Variants in ME1 observed in about 807,000 individuals in gnomAD.
ME1 encodes the protein NADP-dependent malic enzyme.
ME1 carries 74 observed loss-of-function variants against 66.4 expected under a neutral mutation model. That is an observed-to-expected ratio of 1.11 (90% CI 0.92 to 1.35). The LOEUF (loss-of-function observed/expected upper bound fraction) is 1.35. ME1 is among the 40% of genes most tolerant of loss of function. The pLI, the probability that ME1 is intolerant of heterozygous loss-of-function variation, is 0.00. For missense variants in ME1, 750 were observed against 694.1 expected (o/e 1.08, Z -0.90); for synonymous variants, 251 against 235.6 (o/e 1.07, Z -0.60).
intron 3 of ME1, among the ~76,000 whole-genome samples, chr6:83,385,875 ATTAGT>A (rs1468600819): frequency 2.0e-5 from 3 of 151,906 alleles, no homozygotes; most frequent in Non-Finnish European, 4.4e-5. Context: ...GGAAAAAATA[ATTAGT>A]TTAAATTCAT....
At chr6:83,372,405 T>C (rs1769207233) in intron 3 of ME1, among the ~76,000 whole-genome samples, 2 of 152,194 alleles carry the variant, frequency 1.3e-5, no homozygotes, top group African/African-American at 4.8e-5. Flanking sequence ...ATTTAATCAA[T>C]TTCTAGATAT....
At chr6:83,291,937 G>A (rs1025244182) in intron 6 of ME1, among the ~76,000 whole-genome samples, 6 of 151,602 alleles carry the variant, frequency 4.0e-5, no homozygotes, top group Non-Finnish European at 8.8e-5. Flanking sequence ...TGTTTGCTTC[G>A]CGAAGTTCTT....
At chr6:83,332,384 A>G (rs1359530586) in intron 5 of ME1, among the ~76,000 whole-genome samples, 2 of 152,204 alleles carry the variant, frequency 1.3e-5, no homozygotes, top group Admixed American at 1.3e-4. Context: ...CTACTATTCA[A>G]TCCAGCAATC....
At chr6:83,424,162 T>C (rs1271150384) in intron 1 of ME1, among the ~76,000 whole-genome samples, 1 of 151,684 alleles carries the variant, frequency 6.6e-6, no homozygotes, top group Non-Finnish European at 1.5e-5. Flanking sequence ...GTGTAATACA[T>C]ATATAGAGAT....
chr6:83,399,805 T>C (rs1769808264), intron 2 of ME1, among the ~76,000 whole-genome samples: 1 of 152,210 alleles, frequency 6.6e-6, no homozygotes, highest in Non-Finnish European at 1.5e-5. Flanking sequence ...CTAGAATAGT[T>C]GAAAATGCAC....
In ME1 at chr6:83,227,409, G is replaced by A; in HGVS notation, c.1201C>T (p.Pro401Ser). The change falls in exon 11 of 14, where the codon CCT becomes TCT. Residue 401 changes from proline to serine, a missense_variant. Pro to Ser is a moderately conservative substitution (Grantham distance 74). Transcript: ENST00000369705. ...GGATTACTCAAAGCAAAAATAATAG[G>A]CCGTTCATTGAAGGCAGCCATATCT... is the stretch of plus-strand genomic sequence containing the variant. ...LKDMAAFNER[P>S]IIFALSNPTS... 6.2e-7 allele frequency: 1 copy of A among 1,604,910 alleles called. No individual in the cohort carries two copies. The highest frequency in any genetic ancestry group is 8.5e-7 in the Non-Finnish European group (1 of 1,174,068).
chr6:83,277,901 A>AAAT (rs3837004), intron 6 of ME1, among the ~76,000 whole-genome samples: 5,242 of 144,092 alleles, frequency 0.036, 141 homozygotes, highest in Middle Eastern at 0.066. Flanking sequence ...CTGTATCTCA[A>AAAT]AATAATAATA....
intron 6 of ME1, among the ~76,000 whole-genome samples, chr6:83,255,996 TA>T (rs1397099986): frequency 4.6e-5 from 7 of 152,180 alleles, no homozygotes; most frequent in African/African-American, 1.4e-4. Flanking sequence ...AGCTTTATAG[TA>T]ATTTTAATAT....
chr6:83,400,521 T>C (rs1769818866), intron 2 of ME1, among the ~76,000 whole-genome samples: 1 of 152,200 alleles, frequency 6.6e-6, no homozygotes, highest in South Asian at 2.1e-4. Flanking sequence ...CTAACACTCA[T>C]GTGAAATACA....
At chr6:83,372,881 A>G (rs1430173721) in intron 3 of ME1, among the ~76,000 whole-genome samples, 1 of 152,230 alleles carries the variant, frequency 6.6e-6, no homozygotes, top group Non-Finnish European at 1.5e-5. Flanking sequence ...ATTTCCAGCT[A>G]TTCACAATGG....
chr6:83,397,032 C>T (rs921588102), intron 3 of ME1, among the ~76,000 whole-genome samples: 2 of 152,088 alleles, frequency 1.3e-5, no homozygotes, highest in African/African-American at 4.8e-5. Context: ...TATAAAACTT[C>T]TACAAGAAAA....
chr6:83,425,102 C>A (rs1355796307), intron 1 of ME1, among the ~76,000 whole-genome samples: 1 of 152,146 alleles, frequency 6.6e-6, no homozygotes, highest in Non-Finnish European at 1.5e-5. Flanking sequence ...TGGCCTCCCA[C>A]CTCAGCCACT....
chr6:83,384,197 A>G lies in ME1; in HGVS notation c.362+14170T>C, dbSNP rs141084174. 2.1e-3 allele frequency among the ~76,000 whole-genome samples: 313 copies of G among 151,974 alleles called. 3 individuals are homozygous for G. The highest frequency in any genetic ancestry group is 2.3e-3 in the Non-Finnish European group (159 of 67,958). ...CTTTGGGTATATACCCAATAATGGG[A>G]TTGCTGGGTTGAATGGTAGTTCAGT... On this transcript the variant is annotated intron_variant, in intron 3 of 13. Coordinates refer to ENST00000369705, the MANE Select transcript of ME1 (RefSeq NM_002395.6).
intron 5 of ME1, among the ~76,000 whole-genome samples, chr6:83,317,311 C>G (rs1311264658): frequency 6.6e-6 from 1 of 152,146 alleles, no homozygotes; most frequent in Non-Finnish European, 1.5e-5. Context: ...AACTGGTCTT[C>G]CATTTGTTTG....
intron 1 of ME1, among the ~76,000 whole-genome samples, chr6:83,420,475 C>T (rs1030383260): frequency 6.6e-6 from 1 of 152,198 alleles, no homozygotes; most frequent in Admixed American, 6.5e-5. Context: ...TTTGTGGACC[C>T]ACAGAACAGT....
intron 6 of ME1, among the ~76,000 whole-genome samples, chr6:83,257,404 T>C (rs747809940): frequency 3.9e-5 from 6 of 152,052 alleles, no homozygotes; most frequent in Non-Finnish European, 5.9e-5. Flanking sequence ...TAAGTCTACT[T>C]CTAGCATGAC....
chr6:83,229,085 TATTTC>T lies in ME1; in HGVS notation c.1027-159_1027-155del, dbSNP rs1235641896. On this transcript the variant is annotated intron_variant, in intron 9 of 13. Coordinates refer to ENST00000369705, the MANE Select transcript of ME1 (RefSeq NM_002395.6). ...ATCTCTTCTTCAATTGTCAGAATGT[TATTTC>T]ATTCATTCGTTTAACAAATATTTAT... is the stretch of plus-strand genomic sequence containing the variant. 8 of 630,292 alleles carry T rather than the reference TATTTC, an allele frequency of 1.3e-5. 1 individual carries two copies. Among genetic ancestry groups the T allele is most frequent in the African/African-American group, 3.7e-5 (2 of 54,158 alleles). 39.0% of individuals were successfully genotyped at this position (630,292 alleles called of 1,614,324 possible).
At chr6:83,220,595 T>C (rs575105723) in intron 12 of ME1, among the ~76,000 whole-genome samples, 1 of 152,354 alleles carries the variant, frequency 6.6e-6, no homozygotes, top group Admixed American at 6.5e-5. Flanking sequence ...AAATTTGTGG[T>C]TGCAAAACAA....
intron 5 of ME1, among the ~76,000 whole-genome samples, chr6:83,340,474 A>G (rs1768556866): frequency 6.6e-6 from 1 of 152,206 alleles, no homozygotes; most frequent in South Asian, 2.1e-4. Flanking sequence ...TTTTGCTTCT[A>G]CATCTATGTT....
Sources: gnomAD v4.1 joint callset for allele counts (sites outside exome capture counted in the v4.1 genomes callset) on GRCh38, gnomAD v4.1.1 for gene constraint, MANE v1.5 for transcripts, NCBI Gene and HGNC (gene_info 2026-07-23, HGNC 2026-07-21) for gene names.